ADCY2: variants seen among roughly 807,000 people sequenced by gnomAD.
ADCY2 encodes adenylate cyclase type 2.
In ADCY2, 31 loss-of-function variants were observed where a neutral mutation model predicts 125.2. The ratio of observed to expected loss-of-function variants is 0.25; its 90% confidence interval spans 0.19 to 0.33. The LOEUF is 0.33. Among genes scored for constraint, ADCY2 ranks in the 10% least tolerant of loss-of-function variants. The pLI is 1.00. For missense variants in ADCY2, 904 were observed against 1,418.2 expected, an observed-to-expected ratio of 0.64 and a Z score of 5.82; for synonymous variants, 512 against 548.4, an observed-to-expected ratio of 0.93 and a Z score of 0.93.
At chr5:7,539,820 A>G (rs981367143) in intron 3 of ADCY2, among the ~76,000 whole-genome samples, 2 of 152,262 alleles carry the variant, frequency 1.3e-5, no homozygotes, top group African/African-American at 4.8e-5. Context: ...ATGTACAAAC[A>G]TAGGCAGTGT....
intron 2 of ADCY2, among the ~76,000 whole-genome samples, chr5:7,486,967 A>C (rs1441315192): frequency 6.6e-6 from 1 of 152,210 alleles, no homozygotes; most frequent in Non-Finnish European, 1.5e-5. Flanking sequence ...GTGGAAGACA[A>C]CATGCCTCTG....
rs372373069 is a variant in ADCY2, at chr5:7,414,681, C to T, written c.319C>T (p.Arg107Cys). The change falls in exon 2 of 25, where the codon CGC becomes TGC. Residue 107 changes from arginine (R) to cysteine (C), a missense_variant. By Grantham distance (180) the Arg-to-Cys change is radical. Transcript: ENST00000338316. ...CGAGTCTGTGTTTAAGAAGCTGCTG[C>T]GCCTCTTCTCGTTGGTGATATGGAT... ...CIESVFKKLL[R>C]LFSLVIWICL... The T allele has an allele frequency of 1.2e-5, 19 of 1,613,678 alleles. No individual in the cohort carries two copies. The highest frequency in any genetic ancestry group is 3.3e-5 in the Admixed American group (2 of 59,942).
intron 16 of ADCY2, among the ~76,000 whole-genome samples, chr5:7,762,468 G>A (rs76066785): frequency 0.014 from 2,115 of 152,306 alleles, 43 homozygotes; most frequent in African/African-American, 0.047. Flanking sequence ...TGGTGCTGAT[G>A]CAGCACTCAG....
At chr5:7,590,000 G>T (rs2126624127) in intron 3 of ADCY2, among the ~76,000 whole-genome samples, 1 of 152,258 alleles carries the variant, frequency 6.6e-6, no homozygotes, top group Non-Finnish European at 1.5e-5. Context: ...GCCACAGGTG[G>T]CTCACAACCG....
intron 14 of ADCY2, among the ~76,000 whole-genome samples, chr5:7,742,495 G>A (rs1384528273): frequency 2.0e-5 from 3 of 152,150 alleles, no homozygotes; most frequent in East Asian, 1.9e-4. Flanking sequence ...CTCAGTGCCC[G>A]AAAGTCATTG....
intron 4 of ADCY2, among the ~76,000 whole-genome samples, chr5:7,643,442 A>G (rs1357619471): frequency 2.0e-5 from 3 of 151,968 alleles, no homozygotes; most frequent in Non-Finnish European, 4.4e-5. Context: ...ATCCCCTGAA[A>G]TTTTTATATT....
chr5:7,711,551 G>A lies in ADCY2; in HGVS notation c.1579-1305G>A, dbSNP rs751875291. Among the ~76,000 whole-genome samples the A allele has an allele frequency of 1.6e-3, 243 of 152,234 alleles. 1 individual carries two copies. Among genetic ancestry groups the A allele is most frequent in the Non-Finnish European group, 9.0e-4 (61 of 67,998 alleles). ...CTTTTCCAGGTATATTGTTGTTGTTGTTTATTTCTTATCAGCCTTTATTGT... is the reference window on the plus strand; with the variant it reads ...CTTTTCCAGGTATATTGTTGTTGTTATTTATTTCTTATCAGCCTTTATTGT... On this transcript the variant is annotated intron_variant, in intron 10 of 24. Coordinates refer to ENST00000338316, the MANE Select transcript of ADCY2 (RefSeq NM_020546.3).
At chr5:7,555,813 G>A (rs1735490514) in intron 3 of ADCY2, among the ~76,000 whole-genome samples, 1 of 149,938 alleles carries the variant, frequency 6.7e-6, no homozygotes. Context: ...TTCAACTCAG[G>A]AAAATCAGTG....
chr5:7,540,646 G>T (rs984489368), intron 3 of ADCY2, among the ~76,000 whole-genome samples: 3 of 152,196 alleles, frequency 2.0e-5, no homozygotes, highest in African/African-American at 7.2e-5. Flanking sequence ...TCTCCAAAGA[G>T]CAGAATGAAT....
chr5:7,661,834 T>C (rs1739545036), intron 4 of ADCY2, among the ~76,000 whole-genome samples: 1 of 152,216 alleles, frequency 6.6e-6, no homozygotes, highest in South Asian at 2.1e-4. Context: ...AACATTCTTT[T>C]CCTAAGGTAT....
At chr5:7,717,305 C>T in intron 12 of ADCY2, 68 bp downstream of exon 12, 3 of 1,153,780 alleles carry the variant, frequency 2.6e-6, no homozygotes, top group Non-Finnish European at 3.8e-6. Flanking sequence ...TTATCATGGG[C>T]TCTGCAATAG....
chr5:7,543,585 G>A (rs1443728824), intron 3 of ADCY2, among the ~76,000 whole-genome samples: 1 of 152,092 alleles, frequency 6.6e-6, no homozygotes, highest in East Asian at 1.9e-4. Context: ...GGTTTTATTA[G>A]GTTGGTGCAA....
intron 3 of ADCY2, among the ~76,000 whole-genome samples, chr5:7,586,886 A>G (rs577910666): frequency 4.6e-5 from 7 of 152,280 alleles, no homozygotes; most frequent in Admixed American, 2.6e-4. Flanking sequence ...TCGTCTATCT[A>G]TCCCTTCAGA....
chr5:7,664,448 T>C (rs1208799434), intron 4 of ADCY2, among the ~76,000 whole-genome samples: 3 of 152,188 alleles, frequency 2.0e-5, no homozygotes, highest in Non-Finnish European at 4.4e-5. Flanking sequence ...TGGGGAGCAC[T>C]GGCTTGACAG....
chr5:7,428,101 G>T (rs1050644550), intron 2 of ADCY2, among the ~76,000 whole-genome samples: 1 of 152,218 alleles, frequency 6.6e-6, no homozygotes, highest in African/African-American at 2.4e-5. Flanking sequence ...AGAGGGCAGG[G>T]GTCGGGGAGC....
chr5:7,462,343 G>A (rs1579467379), intron 2 of ADCY2, among the ~76,000 whole-genome samples: 1 of 152,284 alleles, frequency 6.6e-6, no homozygotes, highest in Non-Finnish European at 1.5e-5. Context: ...AAACATGTCA[G>A]TCCCCAAATT....
intron 4 of ADCY2, among the ~76,000 whole-genome samples, chr5:7,639,902 T>C (rs189898914): frequency 3.3e-5 from 5 of 152,326 alleles, no homozygotes; most frequent in Non-Finnish European, 5.9e-5. Context: ...TTTAGCCTTA[T>C]TGTTATAGAA....
chr5:7,547,660 G>C (rs1451923557), intron 3 of ADCY2, among the ~76,000 whole-genome samples: 2 of 152,196 alleles, frequency 1.3e-5, no homozygotes, highest in Non-Finnish European at 2.9e-5. Flanking sequence ...GTTCCAAGCA[G>C]GTGATCTTTA....
At chr5:7,658,580 C>T (rs1190871462) in intron 4 of ADCY2, among the ~76,000 whole-genome samples, 2 of 151,978 alleles carry the variant, frequency 1.3e-5, no homozygotes, top group Non-Finnish European at 2.9e-5. Flanking sequence ...GCACCACACC[C>T]ACCAAGAAGT....
Sources: gnomAD v4.1 joint callset for allele counts (sites outside exome capture counted in the v4.1 genomes callset) on GRCh38, gnomAD v4.1.1 for gene constraint, MANE v1.5 for transcripts, NCBI Gene and HGNC (gene_info 2026-07-23, HGNC 2026-07-21) for gene names.